COPB2: variants seen among roughly 807,000 people sequenced by gnomAD.
The protein encoded by COPB2 is coat protein complex I subunit beta 2.
In COPB2, 16 loss-of-function variants were observed where a neutral mutation model predicts 120.8. The observed-to-expected ratio is 0.13, with a 90% CI of 0.09 to 0.20. COPB2 has a LOEUF of 0.20. COPB2 is among the 10% of genes least tolerant of loss of function. The probability of loss-of-function intolerance (pLI) is 1.00; values close to 1 mark genes in which losing one functional copy is unlikely to be tolerated. For synonymous variants in COPB2, 332 were observed against 366.3 expected, an observed-to-expected ratio of 0.91 and a Z score of 1.07; for missense variants, 794 against 1,076.5, an observed-to-expected ratio of 0.74 and a Z score of 3.67.
At chr3:139,378,463 A>G (rs1210652678) in intron 4 of COPB2, among the ~76,000 whole-genome samples, 1 of 152,256 alleles carries the variant, frequency 6.6e-6, no homozygotes, top group Non-Finnish European at 1.5e-5. Flanking sequence ...TGGGCATTAA[A>G]GAATGGCCAA....
intron 1 of COPB2, among the ~76,000 whole-genome samples, chr3:139,388,796 CTT>C (rs34994462): frequency 2.8e-3 from 402 of 141,156 alleles, no homozygotes; most frequent in Admixed American, 2.7e-3. Context: ...CGGCTAATTT[CTT>C]TTTTTTTTTT....
intron 1 of COPB2, among the ~76,000 whole-genome samples, chr3:139,383,692 T>C (rs759559942): frequency 1.5e-4 from 23 of 152,186 alleles, no homozygotes; most frequent in Non-Finnish European, 2.6e-4. Flanking sequence ...TTAAACACTT[T>C]GAGGACCCCT....
chr3:139,358,586 CAGG>C (rs1941341127), intron 20 of COPB2, 155 bp downstream of exon 20: 2 of 623,520 alleles, frequency 3.2e-6, no homozygotes, highest in African/African-American at 3.7e-5. Flanking sequence ...GAGGCTGAGG[CAGG>C]AGAATGGCGT....
At chr3:139,361,995 TCAA>T (rs1941428153) in intron 16 of COPB2, among the ~76,000 whole-genome samples, 1 of 152,198 alleles carries the variant, frequency 6.6e-6, no homozygotes, top group Admixed American at 6.5e-5. Flanking sequence ...CCTGCTCTAT[TCAA>T]CACCAAAAGA....
In COPB2 at chr3:139,362,517, C is replaced by T. The variant is rs113303328; in HGVS notation, c.1885G>A (p.Gly629Ser). Residue 629 changes from glycine (G) to serine (S), a missense_variant and splice_region_variant, in exon 16 of 22, where the codon GGC (glycine) becomes AGC (serine). Around this residue, in one of 3 missense-constraint regions of COPB2, gnomAD observed 610 missense variants for 866.7 expected, o/e 0.70. Transcript: ENST00000333188. ...ACTGTAAGAGCTTGCTGCTTGAAGC[C>T]CTAAACAGATTTTTAAAAATTATAT... ...TRVAHFLEKQ[G>S]FKQQALTVST... 1 of 1,589,490 alleles carries T rather than the reference C, an allele frequency of 6.3e-7. No homozygotes were observed. The highest frequency in any genetic ancestry group is 1.8e-5 in the Admixed American group (1 of 55,520).
chr3:139,360,798 G>A (rs1941404635), intron 17 of COPB2, among the ~76,000 whole-genome samples: 1 of 152,074 alleles, frequency 6.6e-6, no homozygotes, highest in African/African-American at 2.4e-5. Flanking sequence ...AAAATAAAAT[G>A]CTTCCACCAT....
At chr3:139,372,263 TC>T (rs1199163476) in intron 9 of COPB2, among the ~76,000 whole-genome samples, 3 of 152,242 alleles carry the variant, frequency 2.0e-5, no homozygotes, top group Non-Finnish European at 2.9e-5. Flanking sequence ...TTAAAGCTGA[TC>T]ATTCAAATGA....
intron 1 of COPB2, among the ~76,000 whole-genome samples, chr3:139,389,174 T>C (rs1450759807): frequency 6.6e-6 from 1 of 152,178 alleles, no homozygotes; most frequent in Non-Finnish European, 1.5e-5. Flanking sequence ...AACAGGAGTG[T>C]AGATTAACTA....
chr3:139,365,382 AC>A (rs1430135164), intron 15 of COPB2, among the ~76,000 whole-genome samples: 1 of 152,232 alleles, frequency 6.6e-6, no homozygotes, highest in African/African-American at 2.4e-5. Flanking sequence ...AGAGAAAATT[AC>A]CTCCAACAAT....
In COPB2 at chr3:139,358,821, GAAT is replaced by G; in HGVS notation, c.2485-12_2485-10del. The stretch of plus-strand genomic sequence containing the variant: ...TTTCTCTCTTCATTTGGCTATCAGA[GAAT>G]AAAGCAATGATGAAATGAGATATTC... On this transcript the variant is annotated splice_polypyrimidine_tract_variant and intron_variant, in intron 19 of 21. Coordinates refer to ENST00000333188, the MANE Select transcript of COPB2 (RefSeq NM_004766.3). The G allele has an allele frequency of 6.2e-7, 1 of 1,609,000 alleles. No homozygotes were observed. The highest frequency in any genetic ancestry group is 8.5e-7 in the Non-Finnish European group (1 of 1,175,574).
chr3:139,372,480 A>G (rs9821891), intron 9 of COPB2, among the ~76,000 whole-genome samples: 57,935 of 152,170 alleles, frequency 0.38, 13,791 homozygotes, highest in Non-Finnish European at 0.53. Flanking sequence ...ACAGCCAAGA[A>G]TGTTTTACGA....
At chr3:139,389,472 G>A (rs1942009380) in intron 1 of COPB2, 76 bp downstream of exon 1, 5 of 1,465,778 alleles carry the variant, frequency 3.4e-6, no homozygotes, top group Middle Eastern at 1.8e-4. Context: ...TGCTTACCGC[G>A]GCCCTCAGTC....
intron 5 of COPB2, among the ~76,000 whole-genome samples, 180 bp downstream of exon 5, chr3:139,377,861 A>G (rs576647709): frequency 7.2e-5 from 11 of 152,234 alleles, no homozygotes; most frequent in Non-Finnish European, 1.0e-4. Flanking sequence ...AGTTGCCACA[A>G]TATTTTTCTA....
At chr3:139,370,211 G>A (rs1023051262) in intron 10 of COPB2, among the ~76,000 whole-genome samples, 1 of 152,262 alleles carries the variant, frequency 6.6e-6, no homozygotes, top group East Asian at 1.9e-4. Context: ...ATCCATGGGG[G>A]ATACGTTCTA....
intron 6 of COPB2, 56 bp from the exon 7 acceptor site, chr3:139,374,644 G>T: frequency 7.0e-7 from 1 of 1,430,886 alleles, no homozygotes; most frequent in Non-Finnish European, 9.8e-7. Context: ...TAACCAGCCC[G>T]CCCTTAATTT....
chr3:139,382,639 GAACTT>G (rs1941835876), intron 2 of COPB2: 1 of 152,160 alleles, frequency 6.6e-6, no homozygotes, highest in Admixed American at 6.5e-5. Context: ...TGGATTTCAA[GAACTT>G]AACTTTGGAC....
intron 2 of COPB2, 33 bp from the exon 3 acceptor site, chr3:139,379,499 C>G: frequency 6.4e-7 from 1 of 1,572,684 alleles, no homozygotes; most frequent in South Asian, 1.1e-5. Flanking sequence ...ACAAATTGAG[C>G]TATAAGAAAA....
chr3:139,365,423 T>C (rs1422401083), intron 15 of COPB2, among the ~76,000 whole-genome samples: 1 of 152,234 alleles, frequency 6.6e-6, no homozygotes, highest in Non-Finnish European at 1.5e-5. Context: ...TGAATATGTT[T>C]TAGGGTAGAA....
At chr3:139,371,697 C>A (rs755989195) in intron 10 of COPB2, 26 bp downstream of exon 10, 104 of 1,576,042 alleles carry the variant, frequency 6.6e-5, no homozygotes, top group Non-Finnish European at 8.4e-5. Context: ...TCAGGGCATG[C>A]TGGCTATCAT....
Sources: allele counts gnomAD v4.1 joint callset (sites outside exome capture counted in the v4.1 genomes callset), GRCh38; gene constraint gnomAD v4.1.1; regional missense constraint gnomAD v4.1.1; transcripts MANE v1.5; gene names NCBI Gene and HGNC (gene_info 2026-07-23, HGNC 2026-07-21).